EPHA3: variants seen among roughly 807,000 people sequenced by gnomAD.
EPHA3 encodes ephrin type-A receptor 3.
In EPHA3, 42 loss-of-function variants were observed where a neutral mutation model predicts 107.1. The observed-to-expected ratio is 0.39, with a 90% CI of 0.31 to 0.51. The LOEUF (loss-of-function observed/expected upper bound fraction) is 0.51, where lower values mean the gene tolerates loss of function less well. EPHA3 is among the 20% of genes least tolerant of loss of function. The pLI is 0.78. For missense variants in EPHA3, 1,183 were observed against 1,211.2 expected, an observed-to-expected ratio of 0.98 and a Z score of 0.35; for synonymous variants, 461 against 424.8, an observed-to-expected ratio of 1.09 and a Z score of -1.05.
At chr3:89,113,563 AAAAT>A (rs1305641574) in intron 1 of EPHA3, among the ~76,000 whole-genome samples, 1 of 150,188 alleles carries the variant, frequency 6.7e-6, no homozygotes, top group Non-Finnish European at 1.5e-5. Flanking sequence ...AGGAGAAAAG[AAAAT>A]AAAAAAAGTT....
intron 3 of EPHA3, among the ~76,000 whole-genome samples, chr3:89,300,876 T>C (rs1706470205): frequency 6.6e-6 from 1 of 152,112 alleles, no homozygotes; most frequent in Admixed American, 6.6e-5. Flanking sequence ...TAGAGATCTC[T>C]GAGTTTCTCT....
At chr3:89,419,613 A>G (rs1277705784) in intron 11 of EPHA3, among the ~76,000 whole-genome samples, 2 of 151,428 alleles carry the variant, frequency 1.3e-5, no homozygotes, top group African/African-American at 4.8e-5. Context: ...TTAAAAAAAT[A>G]CTAGAAGCCA....
At chr3:89,205,024 C>G (rs909194148) in intron 2 of EPHA3, among the ~76,000 whole-genome samples, 1 of 152,122 alleles carries the variant, frequency 6.6e-6, no homozygotes, top group African/African-American at 2.4e-5. Context: ...AACAATATTG[C>G]TGATGCATTT....
chr3:89,146,196 A>T (rs1197829683), intron 2 of EPHA3, among the ~76,000 whole-genome samples: 1 of 151,882 alleles, frequency 6.6e-6, no homozygotes, highest in African/African-American at 2.4e-5. Context: ...TCTCCAGGGT[A>T]TCCTCCATGT....
chr3:89,171,540 T>G (rs1029037917), intron 2 of EPHA3, among the ~76,000 whole-genome samples: 2 of 152,206 alleles, frequency 1.3e-5, no homozygotes, highest in Non-Finnish European at 2.9e-5. Context: ...TCTTCTCACA[T>G]TTGTTTCATT....
intron 3 of EPHA3, among the ~76,000 whole-genome samples, chr3:89,336,668 C>T (rs900368862): frequency 2.6e-5 from 4 of 152,198 alleles, no homozygotes; most frequent in South Asian, 2.1e-4. Flanking sequence ...ATGTCACTGT[C>T]GTCCTACTCG....
chr3:89,110,022 G>A (rs1026112366), intron 1 of EPHA3, among the ~76,000 whole-genome samples: 2 of 151,956 alleles, frequency 1.3e-5, no homozygotes, highest in African/African-American at 4.8e-5. Context: ...TGCCAAGTAT[G>A]TGCCAAGATT....
At position 89,383,645 on chromosome 3, in the gene EPHA3, T is replaced by C. The variant is rs1340974857; in HGVS notation, c.1307-12192T>C. ...GGTCAGCCTACTTCTTCTTCTTTTT[T>C]TTTTTTTTTTTTTTTTTTTTTGAGA... On this transcript the variant is annotated intron_variant, in intron 5 of 16. Transcript: ENST00000336596. Among the ~76,000 whole-genome samples the C allele has an allele frequency of 8.0e-3, 1,056 of 132,286 alleles. 12 individuals carry two copies. The highest frequency in any genetic ancestry group is 0.029 in the African/African-American group (992 of 34,556). 86.8% of individuals were successfully genotyped at this position (132,286 alleles called of 152,430 possible). A position where few individuals can be genotyped will look rare whatever the true frequency, so the allele number is the denominator to read the frequency against.
At chr3:89,329,287 C>T (rs1295796558) in intron 3 of EPHA3, among the ~76,000 whole-genome samples, 1 of 152,044 alleles carries the variant, frequency 6.6e-6, no homozygotes, top group Non-Finnish European at 1.5e-5. Context: ...TCCGCCCCCA[C>T]CATCCTCTCC....
chr3:89,371,297 C>A (rs1439729884), intron 5 of EPHA3, among the ~76,000 whole-genome samples: 1 of 151,608 alleles, frequency 6.6e-6, no homozygotes, highest in African/African-American at 2.4e-5. Context: ...ACAAAAACAT[C>A]TTTTATCTGT....
chr3:89,402,615 T>A (rs537404063), intron 7 of EPHA3, among the ~76,000 whole-genome samples: 354 of 152,262 alleles, frequency 2.3e-3, no homozygotes, highest in Non-Finnish European at 3.1e-3. Context: ...TTGATTTTTT[T>A]AAAAAATAGA....
intron 6 of EPHA3, among the ~76,000 whole-genome samples, chr3:89,396,185 C>T (rs1708848770): frequency 6.6e-6 from 1 of 152,194 alleles, no homozygotes; most frequent in Non-Finnish European, 1.5e-5. Context: ...GATGCCACTG[C>T]CAACTTAATC....
chr3:89,391,906 T>C (rs762375657), intron 5 of EPHA3, among the ~76,000 whole-genome samples: 17 of 152,124 alleles, frequency 1.1e-4, no homozygotes, highest in Non-Finnish European at 2.4e-4. Flanking sequence ...TAAATACCAA[T>C]ACAACAAAAA....
chr3:89,127,363 C>A, intron 2 of EPHA3, 90 bp downstream of exon 2: 1 of 993,656 alleles, frequency 1.0e-6, no homozygotes, highest in South Asian at 1.4e-5. Context: ...AAAGAGAACT[C>A]TTGTACTTCT....
chr3:89,158,018 A>G (rs1179150716), intron 2 of EPHA3, among the ~76,000 whole-genome samples: 3 of 152,048 alleles, frequency 2.0e-5, no homozygotes, highest in African/African-American at 7.2e-5. Context: ...AGAGCCTACC[A>G]TTGCTTGTTT....
intron 7 of EPHA3, among the ~76,000 whole-genome samples, chr3:89,404,809 C>T (rs1277808962): frequency 6.6e-6 from 1 of 152,138 alleles, no homozygotes; most frequent in African/African-American, 2.4e-5. Flanking sequence ...CCCAGTTTCA[C>T]TGAGCTTTAT....
chr3:89,301,424 A>C (rs1706485838), intron 3 of EPHA3, among the ~76,000 whole-genome samples: 1 of 152,104 alleles, frequency 6.6e-6, no homozygotes, highest in African/African-American at 2.4e-5. Flanking sequence ...GCTCACTCTG[A>C]GACTAAACAG....
chr3:89,335,941 G>C (rs1211955466), intron 3 of EPHA3, among the ~76,000 whole-genome samples: 1 of 152,198 alleles, frequency 6.6e-6, no homozygotes, highest in Non-Finnish European at 1.5e-5. Flanking sequence ...TTTGATATGT[G>C]TGTATCTGCC....
intron 16 of EPHA3, among the ~76,000 whole-genome samples, chr3:89,476,260 G>T: frequency 6.8e-6 from 1 of 147,892 alleles, no homozygotes; most frequent in Non-Finnish European, 1.5e-5. Flanking sequence ...TGGGTTCACA[G>T]ATACAGAATG....
Sources: allele counts gnomAD v4.1 joint callset (sites outside exome capture counted in the v4.1 genomes callset), GRCh38; gene constraint gnomAD v4.1.1; transcripts MANE v1.5; gene names NCBI Gene and HGNC (gene_info 2026-07-23, HGNC 2026-07-21).